The following DNHD1 variants were observed in gnomAD, a reference collection of about 807,000 sequenced individuals.
DNHD1 encodes dynein heavy chain domain-containing protein 1.
A neutral mutation model predicts 458.1 loss-of-function variants in DNHD1; 383 were observed. The observed-to-expected ratio is 0.84, with a 90% CI of 0.77 to 0.91. The LOEUF is 0.91. Among genes scored for constraint, DNHD1 ranks in the 40% least tolerant of loss-of-function variants. The pLI is 0.00. For synonymous variants in DNHD1, 2,203 were observed against 2,376.9 expected, an observed-to-expected ratio of 0.93 and a Z score of 2.13; for missense variants, 5,336 against 5,866.1, an observed-to-expected ratio of 0.91 and a Z score of 2.95.
intron 12 of DNHD1, among the ~76,000 whole-genome samples, chr11:6,530,642 G>C (rs1301387808): frequency 6.6e-6 from 1 of 152,186 alleles, no homozygotes; most frequent in African/African-American, 2.4e-5. Context: ...GAGTTTGCTT[G>C]TATGCCCTGC....
Position 6,556,886 on chromosome 11 carries a change from A to G in DNHD1, c.7591A>G (p.Thr2531Ala). ...CACAGTCCTGGCCCTGGAAAGCATGACCCAGGCCACCCTGCTGGAAAGACA... is the reference window on the plus strand; with the variant it reads ...CACAGTCCTGGCCCTGGAAAGCATGGCCCAGGCCACCCTGCTGGAAAGACA... ...LFTVLALESM[T>A]QATLLERHVP... is the part of the protein sequence containing the mutation. The change falls in exon 25 of 43, where the codon ACC (threonine) becomes GCC (alanine). Residue 2531 changes from threonine (T) to alanine (A), a missense_variant. Physicochemically the swap from Thr to Ala is moderately conservative, Grantham distance 58. Around this residue, in one of 4 missense-constraint regions of DNHD1, gnomAD observed 3,932 missense variants for 4,365.6 expected, o/e 0.90. Coordinates refer to ENST00000254579, the MANE Select transcript of DNHD1 (RefSeq NM_144666.3). 6.4e-7 allele frequency: 1 copy of G among 1,551,608 alleles called. No individual in the cohort carries two copies. Among genetic ancestry groups the G allele is most frequent in the African/African-American group, 1.4e-5 (1 of 73,136 alleles).
chr11:6,571,028 C>T lies in DNHD1; in HGVS notation c.13516C>T (p.Leu4506=). ...CACGCTACAACGCGACCTTGATTGC[C>T]TGTTGCAGCAGCTGAAGGGCGCACC... ...VGTLQRDLDC[L]LQQLKGAPPC... The change falls in exon 42 of 43, where the codon CTG becomes TTG. Residue 4506 remains leucine, a synonymous_variant. Transcript: ENST00000254579. The surrounding 1 kb of genome is among the most constrained non-coding windows in gnomAD (Gnocchi z 5.0). The T allele has an allele frequency of 1.3e-6, 2 of 1,587,526 alleles. No homozygotes were observed. Among genetic ancestry groups the T allele is most frequent in the Non-Finnish European group, 1.7e-6 (2 of 1,163,804 alleles).
Position 6,534,062 on chromosome 11 carries a change from C to T in DNHD1, c.2887C>T (p.Pro963Ser). 6.4e-7 allele frequency: 1 copy of T among 1,551,470 alleles called. No individual in the cohort carries two copies. The highest frequency in any genetic ancestry group is 1.2e-5 in the South Asian group (1 of 84,038). Residue 963 changes from proline to serine, a missense_variant, in exon 14 of 43, where the codon CCC becomes TCC. Coordinates refer to ENST00000254579, the MANE Select transcript of DNHD1 (RefSeq NM_144666.3). ...GGCCCTCTCCGGTCCCTTTATGGAC[C>T]CCACACAAGATCAGAGGAGTACTGA... Reference protein sequence around the residue: ...AKALSGPFMDPTQDQRSTEHQ... With the variant: ...AKALSGPFMDSTQDQRSTEHQ...
intron 10 of DNHD1, among the ~76,000 whole-genome samples, chr11:6,526,398 T>G (rs1394951197): frequency 6.6e-6 from 1 of 152,210 alleles, no homozygotes; most frequent in Admixed American, 6.5e-5. Context: ...TTTGCTCTGG[T>G]TTTTGACATG....
intron 16 of DNHD1, 50 bp from the exon 17 acceptor site, chr11:6,539,159 ATATGGGTTGG>A: frequency 8.4e-7 from 1 of 1,184,952 alleles, no homozygotes; most frequent in East Asian, 2.6e-5. Context: ...GGGATATGGG[ATATGGGTTGG>A]ACTCTGCCAC....
chr11:6,533,847 C>T lies in DNHD1; in HGVS notation c.2672C>T (p.Pro891Leu). The change falls in exon 14 of 43, where the codon CCT (proline) becomes CTT (leucine). Residue 891 changes from proline (P) to leucine (L), a missense_variant. Transcript: ENST00000254579. Reference protein sequence around the residue: ...QFGESPIPPCPPPPQPHLLHC... With the variant: ...QFGESPIPPCLPPPQPHLLHC... ...GGGGAGTCACCCATCCCTCCCTGCC[C>T]TCCTCCCCCACAACCACATCTACTC... 1 of 1,551,310 alleles carries T rather than the reference C, an allele frequency of 6.4e-7. No homozygotes were observed. The highest frequency in any genetic ancestry group is 2.4e-5 in the East Asian group (1 of 40,870).
intron 3 of DNHD1, among the ~76,000 whole-genome samples, chr11:6,502,273 G>T (rs1179435210): frequency 6.6e-6 from 1 of 152,130 alleles, no homozygotes; most frequent in Admixed American, 6.6e-5. Flanking sequence ...AGCAGAAAAT[G>T]TAACAGGCAT....
rs1303456770 is a variant in DNHD1 at position 6,531,523 on chromosome 11, T to C, written c.2348-1504T>C. Among the ~76,000 whole-genome samples, 5 of 151,338 alleles carry C rather than the reference T, an allele frequency of 3.3e-5. No homozygotes were observed. The East Asian group carries it at 7.8e-4, about 24-fold the overall frequency. ...TGCTACTGGTCCAAAAGCAGCACCA[T>C]AAACAAACAAACAAACAAACAAGCA... On this transcript the variant is annotated intron_variant, in intron 12 of 42. Coordinates refer to ENST00000254579, the MANE Select transcript of DNHD1 (RefSeq NM_144666.3).
At chr11:6,549,083 C>A in intron 24 of DNHD1, 150 bp downstream of exon 24, 1 of 844,074 alleles carries the variant, frequency 1.2e-6, no homozygotes, top group Non-Finnish European at 1.8e-6. Context: ...CATATGCTCC[C>A]TGAACAATCC....
In DNHD1 at chr11:6,571,596, A is replaced by G. The variant is rs1853853474; in HGVS notation, c.13912-40A>G. 5 of 1,496,228 alleles carry G rather than the reference A, an allele frequency of 3.3e-6. No homozygotes were observed. Among genetic ancestry groups the G allele is most frequent in the Non-Finnish European group, 4.5e-6 (5 of 1,117,690 alleles). The allele number at this position is 1,496,228 out of a possible 1,614,324, so 92.7% of individuals were successfully genotyped here. On this transcript the variant is annotated intron_variant, in intron 42 of 42. Transcript: ENST00000254579. The surrounding 1 kb of genome is among the most constrained non-coding windows in gnomAD (Gnocchi z 5.0). ...CCCCACTTCCCACCTGCCACCTCCCAGCTTCCTAGCCTTGCCTGACCAGCT... is the reference window on the plus strand; with the variant it reads ...CCCCACTTCCCACCTGCCACCTCCCGGCTTCCTAGCCTTGCCTGACCAGCT...
chr11:6,542,570 A>G (rs1421820818), intron 18 of DNHD1, among the ~76,000 whole-genome samples: 1 of 152,088 alleles, frequency 6.6e-6, no homozygotes, highest in Non-Finnish European at 1.5e-5. Context: ...CTTTCTCTGT[A>G]CCAGGCTTTC....
rs1853805038 is a variant in DNHD1, at chr11:6,570,072, TC to T, written c.12931del (p.Arg4311ValfsTer26). ...ACCAGCTGTGGGCAAGTCTTAGCAA[TC>T]CCCGTGCTGCCATGCAAGAGCTGGC... ...QDQLWASLSN[P>X]RAAMQELAAS... On this transcript the variant is annotated frameshift_variant, in exon 40 of 43. Transcript: ENST00000254579. LOFTEE classifies it high-confidence loss of function. The T allele has an allele frequency of 3.7e-6, 6 of 1,613,534 alleles. No homozygotes were observed. The highest frequency in any genetic ancestry group is 5.1e-6 in the Non-Finnish European group (6 of 1,179,802).
chr11:6,517,652 C>CTT (rs59300977), intron 7 of DNHD1, among the ~76,000 whole-genome samples: 1,200 of 59,008 alleles, frequency 0.02, 143 homozygotes, highest in East Asian at 0.11. Context: ...TCTAGGACTT[C>CTT]TTTTTTTTTT....
Position 6,570,668 on chromosome 11 carries a change from C to T in DNHD1, c.13156C>T (p.Leu4386=), listed in dbSNP as rs1432413796. The T allele has an allele frequency of 6.2e-7, 1 of 1,612,106 alleles. No homozygotes were observed. Among genetic ancestry groups the T allele is most frequent in the East Asian group, 2.2e-5 (1 of 44,806 alleles). Residue 4386 remains leucine, a synonymous_variant, in exon 42 of 43, where the codon CTG becomes TTG. Transcript: ENST00000254579. ...AGAGTGCAAGGCCCAGATGCACCTACTGCCCTCACCACCTGAACCCCGGCT... is the reference window on the plus strand; with the variant it reads ...AGAGTGCAAGGCCCAGATGCACCTATTGCCCTCACCACCTGAACCCCGGCT... ...MAECKAQMHL[L]PSPPEPRLCG... is the part of the protein sequence containing the mutation.
At position 6,558,300 on chromosome 11, in the gene DNHD1, G is replaced by A. The variant is rs1039769298; in HGVS notation, c.9002+3G>A. The A allele has an allele frequency of 6.5e-7, 1 of 1,549,912 alleles. No individual in the cohort carries two copies. The highest frequency in any genetic ancestry group is 1.4e-5 in the African/African-American group (1 of 73,042). On this transcript the variant is annotated splice_donor_region_variant and intron_variant, in intron 25 of 42. Coordinates refer to ENST00000254579, the MANE Select transcript of DNHD1 (RefSeq NM_144666.3). ...AAGAAGGAAATGGTGTTGCAGAGGTGAGGCCAAGAACCCCATATGCGAATC... is the reference window on the plus strand; with the variant it reads ...AAGAAGGAAATGGTGTTGCAGAGGTAAGGCCAAGAACCCCATATGCGAATC...
chr11:6,536,006 A>T (rs1852940159), intron 14 of DNHD1, among the ~76,000 whole-genome samples: 1 of 152,256 alleles, frequency 6.6e-6, no homozygotes, highest in Admixed American at 6.5e-5. Flanking sequence ...AATGAAGGAC[A>T]TAGGGACATG....
rs1853499940 is a variant in DNHD1 at position 6,557,793 on chromosome 11, C to A, written c.8498C>A (p.Thr2833Asn). 6.4e-7 allele frequency: 1 copy of A among 1,551,442 alleles called. No homozygotes were observed. Among genetic ancestry groups the A allele is most frequent in the African/African-American group, 1.4e-5 (1 of 73,050 alleles). The stretch of plus-strand genomic sequence containing the variant: ...CTGATACTGGGGCCTAACTCTGAGA[C>A]CCCCAACTTGTACCTGGAACGACAG... ...QELILGPNSE[T>N]PNLYLERQWE... is the part of the protein sequence containing the mutation. The change falls in exon 25 of 43, where the codon ACC becomes AAC. Residue 2833 changes from threonine to asparagine, a missense_variant. Thr to Asn is a moderately conservative substitution (Grantham distance 65, BLOSUM62 0). Transcript: ENST00000254579.
chr11:6,557,621 G>A lies in DNHD1; in HGVS notation c.8326G>A (p.Ala2776Thr), dbSNP rs867673291. The part of the protein sequence containing the change: ...HKIRQEKGTR[A>T]SNYRLQVRRS... The stretch of plus-strand genomic sequence containing the variant: ...GATAAGGCAAGAGAAAGGCACAAGG[G>A]CATCCAACTATAGGCTCCAGGTAAG... Residue 2776 changes from alanine (A) to threonine (T), a missense_variant, in exon 25 of 43, where the codon GCA becomes ACA. By Grantham distance (58) the Ala-to-Thr change is moderately conservative. This residue lies in a region of DNHD1 where 3,932 missense variants were observed against 4,365.6 expected (regional missense o/e 0.90). Coordinates refer to ENST00000254579, the MANE Select transcript of DNHD1 (RefSeq NM_144666.3). 2 of 1,551,746 alleles carry A rather than the reference G, an allele frequency of 1.3e-6. No homozygotes were observed. The highest frequency in any genetic ancestry group is 1.7e-6 in the Non-Finnish European group (2 of 1,146,996).
intron 24 of DNHD1, among the ~76,000 whole-genome samples, chr11:6,549,285 G>T (rs946599794): frequency 6.6e-6 from 1 of 152,144 alleles, no homozygotes; most frequent in African/African-American, 2.4e-5. Flanking sequence ...TGTCCTCTTA[G>T]TTTCACCATC....
Sources: allele counts gnomAD v4.1 joint callset (sites outside exome capture counted in the v4.1 genomes callset), GRCh38; gene constraint gnomAD v4.1.1; regional missense constraint gnomAD v4.1.1; non-coding constraint Gnocchi (gnomAD v3.1); transcripts MANE v1.5; gene names NCBI Gene and HGNC (gene_info 2026-07-23, HGNC 2026-07-21).